The following THSD7A variants were observed in gnomAD, a reference collection of about 807,000 sequenced individuals.
THSD7A encodes the protein thrombospondin type-1 domain-containing protein 7A.
Under a neutral mutation model 231.3 loss-of-function variants are expected in THSD7A, and 96 were observed. That is an observed-to-expected ratio of 0.41 (90% confidence interval 0.35 to 0.49). THSD7A has a LOEUF of 0.49. Among genes scored for constraint, THSD7A ranks in the 20% least tolerant of loss-of-function variants. THSD7A has a pLI of 0.05. For synonymous variants in THSD7A, 940 were observed against 743.3 expected, an observed-to-expected ratio of 1.26 and a Z score of -4.30; for missense variants, 2,290 against 2,070.2, an observed-to-expected ratio of 1.11 and a Z score of -2.06.
At chr7:11,556,811 TG>T (rs1789865343) in intron 4 of THSD7A, among the ~76,000 whole-genome samples, 1 of 152,114 alleles carries the variant, frequency 6.6e-6, no homozygotes, top group Admixed American at 6.6e-5. Flanking sequence ...CTGACCTATA[TG>T]GTTTCTGGTT....
chr7:11,511,465 C>T (rs150317913), intron 6 of THSD7A, among the ~76,000 whole-genome samples: 5,112 of 152,218 alleles, frequency 0.034, 289 homozygotes, highest in African/African-American at 0.12. Flanking sequence ...AAAAACAGCC[C>T]GCATTGCTAA....
intron 6 of THSD7A, among the ~76,000 whole-genome samples, chr7:11,499,812 G>T (rs1028216618): frequency 6.6e-6 from 1 of 152,120 alleles, no homozygotes; most frequent in Admixed American, 6.6e-5. Context: ...GCGAAGTATG[G>T]GATTATGTGA....
chr7:11,441,159 A>G (rs1562611355), intron 13 of THSD7A, among the ~76,000 whole-genome samples: 1 of 152,074 alleles, frequency 6.6e-6, no homozygotes, highest in African/African-American at 2.4e-5. Flanking sequence ...GGTACTTAGG[A>G]TACATCAGTG....
At chr7:11,732,925 C>A (rs1407179760) in intron 1 of THSD7A, among the ~76,000 whole-genome samples, 1 of 151,810 alleles carries the variant, frequency 6.6e-6, no homozygotes, top group African/African-American at 2.4e-5. Flanking sequence ...CACTTATTAG[C>A]ATTGAACTGC....
chr7:11,402,642 C>A (rs1783445973), intron 22 of THSD7A, among the ~76,000 whole-genome samples: 1 of 152,084 alleles, frequency 6.6e-6, no homozygotes, highest in Admixed American at 6.5e-5. Flanking sequence ...ATTATATAAC[C>A]ATGTGATCAA....
At chr7:11,758,307 C>T (rs568719588) in intron 1 of THSD7A, among the ~76,000 whole-genome samples, 1 of 151,888 alleles carries the variant, frequency 6.6e-6, no homozygotes, top group East Asian at 1.9e-4. Flanking sequence ...TAGAGAAATC[C>T]TCTTAGCGTA....
intron 1 of THSD7A, among the ~76,000 whole-genome samples, chr7:11,668,628 A>G (rs1783250445): frequency 6.6e-6 from 1 of 152,184 alleles, no homozygotes; most frequent in African/African-American, 2.4e-5. Context: ...CAAACAAACA[A>G]AGAGTGAACA....
At chr7:11,741,561 T>C (rs1033062454) in intron 1 of THSD7A, among the ~76,000 whole-genome samples, 2 of 151,924 alleles carry the variant, frequency 1.3e-5, no homozygotes, top group Admixed American at 1.3e-4. Flanking sequence ...TTATAATAGA[T>C]GAAATATCAG....
At chr7:11,725,419 A>G (rs1461507138) in intron 1 of THSD7A, among the ~76,000 whole-genome samples, 2 of 151,932 alleles carry the variant, frequency 1.3e-5, no homozygotes, top group African/African-American at 4.8e-5. Context: ...TTTTGTTGTT[A>G]GGGTTATAAA....
intron 1 of THSD7A, among the ~76,000 whole-genome samples, chr7:11,684,864 A>G (rs541914353): frequency 6.6e-6 from 1 of 152,166 alleles, no homozygotes; most frequent in African/African-American, 2.4e-5. Flanking sequence ...CCAGACTTAG[A>G]AAAGCTATTC....
intron 1 of THSD7A, among the ~76,000 whole-genome samples, chr7:11,716,677 T>C (rs948228521): frequency 6.6e-6 from 1 of 151,578 alleles, no homozygotes; most frequent in African/African-American, 2.4e-5. Flanking sequence ...ATTCTTCTTA[T>C]TGCCATTCAT....
chr7:11,739,365 A>C (rs1236207667), intron 1 of THSD7A, among the ~76,000 whole-genome samples: 1 of 151,982 alleles, frequency 6.6e-6, no homozygotes, highest in African/African-American at 2.4e-5. Context: ...AACACTTATA[A>C]GTATTTTAAA....
At chr7:11,425,457 A>C (rs1169660081) in intron 15 of THSD7A, among the ~76,000 whole-genome samples, 1 of 152,096 alleles carries the variant, frequency 6.6e-6, no homozygotes, top group East Asian at 1.9e-4. Flanking sequence ...ATTGGTGTAC[A>C]AGCCCAAGCA....
At chr7:11,589,344 A>T (rs548492475) in intron 4 of THSD7A, among the ~76,000 whole-genome samples, 31 of 152,084 alleles carry the variant, frequency 2.0e-4, no homozygotes, top group African/African-American at 7.5e-4. Flanking sequence ...GCTTTTCTTT[A>T]GCATTGTGCA....
chr7:11,661,443 G>T (rs577268836), intron 1 of THSD7A, among the ~76,000 whole-genome samples: 1 of 151,014 alleles, frequency 6.6e-6, no homozygotes, highest in Non-Finnish European at 1.5e-5. Context: ...CAGAAAAATG[G>T]TAAACATGAT....
chr7:11,651,324 C>A (rs1186081208), intron 1 of THSD7A, among the ~76,000 whole-genome samples: 2 of 151,856 alleles, frequency 1.3e-5, no homozygotes, highest in African/African-American at 2.4e-5. Context: ...TGCAGAGTTC[C>A]AGTTTCAGAA....
chr7:11,728,693 T>G (rs1781625851), intron 1 of THSD7A, among the ~76,000 whole-genome samples: 1 of 151,916 alleles, frequency 6.6e-6, no homozygotes, highest in Non-Finnish European at 1.5e-5. Flanking sequence ...TTTGCATTGA[T>G]CAAATCCTAA....
chr7:11,824,316 T>A (rs1784961496), intron 1 of THSD7A, among the ~76,000 whole-genome samples: 1 of 152,004 alleles, frequency 6.6e-6, no homozygotes, highest in Non-Finnish European at 1.5e-5. Flanking sequence ...ACAAAGAAAC[T>A]CCACTATCCA....
chr7:11,450,226 T>C (rs1785100481), intron 11 of THSD7A, among the ~76,000 whole-genome samples: 1 of 152,046 alleles, frequency 6.6e-6, no homozygotes, highest in African/African-American at 2.4e-5. Context: ...CAGAAACAAT[T>C]TATTTTGTGC....
Sources: gnomAD v4.1 joint callset for allele counts (sites outside exome capture counted in the v4.1 genomes callset) on GRCh38, gnomAD v4.1.1 for gene constraint, MANE v1.5 for transcripts, NCBI Gene and HGNC (gene_info 2026-07-23, HGNC 2026-07-21) for gene names.